The following SYN3 variants were observed in gnomAD, a reference collection of about 807,000 sequenced individuals.
SYN3 encodes the protein synapsin-3.
Under a neutral mutation model 65.8 loss-of-function variants are expected in SYN3, and 35 were observed. That is an observed-to-expected ratio of 0.53 (90% confidence interval 0.41 to 0.70). SYN3 has a LOEUF of 0.70. Among genes scored for constraint, SYN3 ranks in the 30% least tolerant of loss-of-function variants. The pLI is 0.00. For synonymous variants in SYN3, 270 were observed against 292.9 expected, an observed-to-expected ratio of 0.92 and a Z score of 0.80; for missense variants, 680 against 749.0, an observed-to-expected ratio of 0.91 and a Z score of 1.08.
intron 6 of SYN3, among the ~76,000 whole-genome samples, chr22:32,821,748 C>T (rs897849619): frequency 6.6e-6 from 1 of 152,238 alleles, no homozygotes. Context: ...TCCCACGTAG[C>T]TCCTCTTGTC....
chr22:32,814,748 G>A lies in SYN3; in HGVS notation c.711+50167C>T, dbSNP rs901740266. ...TTCGAATTCCTTCTGGTATCCCTCT[G>A]AGAAGAGTTTCTTACTGGGTGGCTC... On this transcript the variant is annotated intron_variant, in intron 6 of 13. Coordinates refer to ENST00000358763, the MANE Select transcript of SYN3 (RefSeq NM_003490.4). Among the ~76,000 whole-genome samples the A allele has an allele frequency of 4.6e-5, 7 of 152,220 alleles. No individual in the cohort carries two copies. The East Asian group carries it at 5.8e-4, about 13-fold the overall frequency.
chr22:32,864,526 T>C (rs1025314766), intron 6 of SYN3: 4 of 166,106 alleles, frequency 2.4e-5, no homozygotes, highest in Non-Finnish European at 3.9e-5. Context: ...TTAATATTAC[T>C]GCTTTTTATT....
intron 4 of SYN3, among the ~76,000 whole-genome samples, chr22:32,922,412 G>T (rs1221621121): frequency 1.3e-5 from 2 of 152,204 alleles, no homozygotes; most frequent in African/African-American, 4.8e-5. Context: ...GTTAATTCAT[G>T]TTAAGTGCTT....
At chr22:32,523,515 A>C (rs573738219) in intron 12 of SYN3, among the ~76,000 whole-genome samples, 7 of 152,124 alleles carry the variant, frequency 4.6e-5, no homozygotes, top group Non-Finnish European at 1.0e-4. Flanking sequence ...TCCATCTCAA[A>C]AAACAAACAA....
intron 6 of SYN3, chr22:32,849,584 A>G (rs1177300904): frequency 3.2e-6 from 5 of 1,557,072 alleles, no homozygotes; most frequent in Non-Finnish European, 3.5e-6. Flanking sequence ...GGTTTTTGCC[A>G]GAAGAGTCCT....
chr22:32,939,294 G>C (rs1119511), intron 3 of SYN3, among the ~76,000 whole-genome samples: 8,135 of 152,190 alleles, frequency 0.053, 711 homozygotes, highest in African/African-American at 0.18. Context: ...TATATGTGAA[G>C]TGGAATAACA....
At chr22:32,590,547 TA>T (rs2059114000) in intron 7 of SYN3, among the ~76,000 whole-genome samples, 1 of 152,256 alleles carries the variant, frequency 6.6e-6, no homozygotes, top group East Asian at 1.9e-4. Context: ...ATACCTAAAA[TA>T]ACTCCTGTGC....
chr22:32,527,486 G>A (rs1243420275), intron 12 of SYN3, among the ~76,000 whole-genome samples: 1 of 151,952 alleles, frequency 6.6e-6, no homozygotes, highest in African/African-American at 2.4e-5. Context: ...TGTAATCCCA[G>A]CTACTCAGGA....
At chr22:32,811,770 A>G (rs1431480988) in intron 6 of SYN3, among the ~76,000 whole-genome samples, 1 of 152,042 alleles carries the variant, frequency 6.6e-6, no homozygotes, top group African/African-American at 2.4e-5. Context: ...CATATAGCCA[A>G]TACATGGAAT....
intron 6 of SYN3, among the ~76,000 whole-genome samples, chr22:32,741,196 T>C (rs1024982287): frequency 1.3e-5 from 2 of 152,130 alleles, no homozygotes; most frequent in African/African-American, 4.8e-5. Context: ...CATTTTACAT[T>C]GGTCAACTCA....
chr22:32,579,461 A>G (rs1000782240), intron 7 of SYN3, among the ~76,000 whole-genome samples: 2 of 152,148 alleles, frequency 1.3e-5, no homozygotes, highest in East Asian at 3.9e-4. Context: ...CACACCTCCT[A>G]CGTAAGGGCA....
At position 32,759,389 on chromosome 22, in the gene SYN3, C is replaced by T. The variant is rs183251127; in HGVS notation, c.711+105526G>A. Among the ~76,000 whole-genome samples the T allele has an allele frequency of 2.3e-4, 35 of 152,226 alleles. No individual in the cohort carries two copies. In the South Asian group the frequency reaches 6.2e-3, roughly 27 times the overall value. On this transcript the variant is annotated intron_variant, in intron 6 of 13. Transcript: ENST00000358763. ...CCCAGGATATGTACAAGGGGCTCAA[C>T]GACTATTAGTTGACCATGAAAATCG...
chr22:33,018,147 T>C (rs1023963831), intron 1 of SYN3, among the ~76,000 whole-genome samples: 1 of 152,194 alleles, frequency 6.6e-6, no homozygotes, highest in Non-Finnish European at 1.5e-5. Context: ...AGAGGATGTG[T>C]CTATGAAAGG....
chr22:32,704,969 A>G (rs2060860942), intron 6 of SYN3, among the ~76,000 whole-genome samples: 1 of 152,190 alleles, frequency 6.6e-6, no homozygotes, highest in African/African-American at 2.4e-5. Flanking sequence ...TGTCAGGTGC[A>G]TAGTTTGCAA....
chr22:32,827,805 G>T (rs1483911430), intron 6 of SYN3, among the ~76,000 whole-genome samples: 1 of 152,110 alleles, frequency 6.6e-6, no homozygotes, highest in Non-Finnish European at 1.5e-5. Context: ...TTCCTCAAAT[G>T]CTCCAGGCTC....
intron 6 of SYN3, among the ~76,000 whole-genome samples, chr22:32,689,428 G>C (rs971704653): frequency 1.3e-5 from 2 of 152,180 alleles, no homozygotes; most frequent in East Asian, 3.9e-4. Flanking sequence ...GAGAATTGGA[G>C]TAAGATACAG....
intron 4 of SYN3, among the ~76,000 whole-genome samples, chr22:32,920,051 T>A (rs1197791402): frequency 6.6e-6 from 1 of 152,226 alleles, no homozygotes; most frequent in African/African-American, 2.4e-5. Context: ...GAGACTCTGA[T>A]GCCTTTCGTC....
At chr22:32,785,349 TAG>T (rs1325778450) in intron 6 of SYN3, among the ~76,000 whole-genome samples, 2 of 152,124 alleles carry the variant, frequency 1.3e-5, no homozygotes, top group African/African-American at 2.4e-5. Flanking sequence ...TGCTTCCGGG[TAG>T]AGTCTTGGGT....
At chr22:32,640,677 T>A (rs2059883452) in intron 6 of SYN3, among the ~76,000 whole-genome samples, 1 of 152,148 alleles carries the variant, frequency 6.6e-6, no homozygotes, top group Admixed American at 6.5e-5. Flanking sequence ...CCATCCTGGC[T>A]GACATGGTGA....
Sources: gnomAD v4.1 joint callset for allele counts (sites outside exome capture counted in the v4.1 genomes callset) on GRCh38, gnomAD v4.1.1 for gene constraint, MANE v1.5 for transcripts, NCBI Gene and HGNC (gene_info 2026-07-23, HGNC 2026-07-21) for gene names.